Variants in CCDC178 observed in about 807,000 individuals in gnomAD.
The protein encoded by CCDC178 is coiled-coil domain-containing protein 178.
A neutral mutation model predicts 117.4 loss-of-function variants in CCDC178; 126 were observed. The ratio of observed to expected loss-of-function variants is 1.07; its 90% CI spans 0.93 to 1.24. The LOEUF is 1.24. CCDC178 is among the 50% of genes most tolerant of loss of function. CCDC178 has a pLI of 0.00. For missense variants in CCDC178, 1,030 were observed against 986.9 expected, an observed-to-expected ratio of 1.04 and a Z score of -0.59; for synonymous variants, 283 against 313.4, an observed-to-expected ratio of 0.90 and a Z score of 1.02.
At chr18:32,976,515 C>T (rs2055031405) in intron 21 of CCDC178, among the ~76,000 whole-genome samples, 1 of 151,970 alleles carries the variant, frequency 6.6e-6, no homozygotes, top group Admixed American at 6.6e-5. Flanking sequence ...AGATGCAGAG[C>T]ACATGTATAT....
intron 21 of CCDC178, among the ~76,000 whole-genome samples, chr18:33,024,669 G>T (rs1338471051): frequency 2.0e-5 from 3 of 151,296 alleles, no homozygotes; most frequent in African/African-American, 7.3e-5. Context: ...TTTGAGATGG[G>T]GTGTTGCTCT....
chr18:33,214,338 C>A (rs2144597544), intron 19 of CCDC178, among the ~76,000 whole-genome samples: 1 of 152,024 alleles, frequency 6.6e-6, no homozygotes. Flanking sequence ...TAAGTAATTC[C>A]ACAGTATTGG....
At chr18:33,053,072 G>A (rs2056771526) in intron 21 of CCDC178, among the ~76,000 whole-genome samples, 1 of 152,164 alleles carries the variant, frequency 6.6e-6, no homozygotes, top group Admixed American at 6.5e-5. Context: ...ATAAGTGCAT[G>A]CACTGGGGAC....
chr18:32,999,434 C>T (rs1440550258), intron 21 of CCDC178, among the ~76,000 whole-genome samples: 1 of 152,178 alleles, frequency 6.6e-6, no homozygotes, highest in Non-Finnish European at 1.5e-5. Context: ...GGGAAAGACA[C>T]AAGCTTGGTT....
chr18:33,143,493 T>C (rs190158204), intron 20 of CCDC178, among the ~76,000 whole-genome samples: 1 of 152,326 alleles, frequency 6.6e-6, no homozygotes, highest in Non-Finnish European at 1.5e-5. Context: ...AAACAGATTA[T>C]GACTAAATAA....
At chr18:33,221,169 G>A (rs1467270763) in intron 18 of CCDC178, among the ~76,000 whole-genome samples, 1 of 152,024 alleles carries the variant, frequency 6.6e-6, no homozygotes, top group Non-Finnish European at 1.5e-5. Flanking sequence ...TCTTTCACCT[G>A]AAGATGTGAA....
At chr18:33,275,720 C>T (rs1436579218) in intron 12 of CCDC178, among the ~76,000 whole-genome samples, 3 of 148,466 alleles carry the variant, frequency 2.0e-5, no homozygotes, top group Non-Finnish European at 3.0e-5. Flanking sequence ...GAAGCTGTAG[C>T]TTCTATGGTC....
intron 20 of CCDC178, among the ~76,000 whole-genome samples, chr18:33,134,180 G>C (rs1443824879): frequency 6.6e-6 from 1 of 151,932 alleles, no homozygotes; most frequent in African/African-American, 2.4e-5. Context: ...AGTAATTTTA[G>C]AACTTATAAA....
At chr18:33,055,927 T>C (rs113726907) in intron 21 of CCDC178, among the ~76,000 whole-genome samples, 21,600 of 151,780 alleles carry the variant, frequency 0.14, 2,387 homozygotes, top group African/African-American at 0.31. Flanking sequence ...CCTCAGCCTC[T>C]TGAGTAGCTA....
In CCDC178 at chr18:33,423,290, C is replaced by A. The variant is rs375878090; in HGVS notation, c.-22-11180G>T. ...ATCCAATGATTTCAGTATATTTTTACCACATGTATGTCCTCCAAACAAAAT... is the reference window on the plus strand; with the variant it reads ...ATCCAATGATTTCAGTATATTTTTAACACATGTATGTCCTCCAAACAAAAT... On this transcript the variant is annotated intron_variant, in intron 2 of 22. Transcript: ENST00000383096. 2.9e-3 allele frequency among the ~76,000 whole-genome samples: 448 copies of A among 152,228 alleles called. 1 individual carries two copies. Among genetic ancestry groups the A allele is most frequent in the South Asian group, 0.013 (64 of 4,818 alleles).
At chr18:33,087,378 C>T (rs2057394785) in intron 21 of CCDC178, among the ~76,000 whole-genome samples, 1 of 152,108 alleles carries the variant, frequency 6.6e-6, no homozygotes, top group African/African-American at 2.4e-5. Flanking sequence ...AGTCTATCAG[C>T]TGTGTACTCC....
intron 20 of CCDC178, among the ~76,000 whole-genome samples, chr18:33,160,576 G>T (rs1322950774): frequency 6.6e-6 from 1 of 151,994 alleles, no homozygotes; most frequent in Non-Finnish European, 1.5e-5. Context: ...CAATAGCAAA[G>T]GTATTTCTCT....
At chr18:33,183,506 A>G (rs1221448090) in intron 20 of CCDC178, among the ~76,000 whole-genome samples, 1 of 152,052 alleles carries the variant, frequency 6.6e-6, no homozygotes, top group Non-Finnish European at 1.5e-5. Flanking sequence ...CCCTTTAACT[A>G]TAAAAAATTG....
In CCDC178 at chr18:33,388,519, A is replaced by ATTTT. The variant is rs71159828; in HGVS notation, c.208+1017_208+1020dup. ...AAATGTGGTACATATACACCACGGA[A>ATTTT]TTTTTTTTTTTTTTTTTTGAGACGG... On this transcript the variant is annotated intron_variant, in intron 5 of 22. Transcript: ENST00000383096. Among the ~76,000 whole-genome samples the ATTTT allele has an allele frequency of 1.4e-4, 9 of 65,266 alleles. 3 individuals are homozygous for ATTTT. The highest frequency in any genetic ancestry group is 3.2e-4 in the African/African-American group (5 of 15,854). The allele number at this position is 65,266 out of a possible 152,430, so 42.8% of individuals were successfully genotyped here.
At chr18:33,398,538 C>T (rs1363151496) in intron 3 of CCDC178, among the ~76,000 whole-genome samples, 1 of 152,128 alleles carries the variant, frequency 6.6e-6, no homozygotes, top group Non-Finnish European at 1.5e-5. Context: ...TGTCTCTCTC[C>T]TTCAACACAC....
intron 21 of CCDC178, among the ~76,000 whole-genome samples, chr18:33,070,638 A>G (rs1053569005): frequency 6.6e-6 from 1 of 152,064 alleles, no homozygotes; most frequent in Non-Finnish European, 1.5e-5. Context: ...TTTATTGTAT[A>G]TTTAAAAATA....
At chr18:33,018,174 A>G (rs1402935284) in intron 21 of CCDC178, among the ~76,000 whole-genome samples, 1 of 152,098 alleles carries the variant, frequency 6.6e-6, no homozygotes, top group Admixed American at 6.5e-5. Flanking sequence ...TAATAAGCAC[A>G]GGTAATGATG....
chr18:32,986,955 G>A (rs2055276740), intron 21 of CCDC178, among the ~76,000 whole-genome samples: 1 of 151,658 alleles, frequency 6.6e-6, no homozygotes, highest in African/African-American at 2.4e-5. Context: ...TCTATTTAAA[G>A]TATAATAAAA....
intron 15 of CCDC178, among the ~76,000 whole-genome samples, chr18:33,232,568 T>C (rs1183100614): frequency 6.6e-6 from 1 of 152,166 alleles, no homozygotes; most frequent in Non-Finnish European, 1.5e-5. Flanking sequence ...CTGGCTATGG[T>C]TGTGCATTAT....
Sources: gnomAD v4.1 joint callset for allele counts (sites outside exome capture counted in the v4.1 genomes callset) on GRCh38, gnomAD v4.1.1 for gene constraint, MANE v1.5 for transcripts, NCBI Gene and HGNC (gene_info 2026-07-23, HGNC 2026-07-21) for gene names.